The following AGTR1 variants were observed in gnomAD, a reference collection of about 807,000 sequenced individuals.
AGTR1 encodes angiotensin II receptor type 1, also known as type-1 angiotensin II receptor.
AGTR1 carries 16 observed loss-of-function variants against 19.4 expected under a neutral mutation model. The ratio of observed to expected loss-of-function variants is 0.82; its 90% CI spans 0.56 to 1.25. AGTR1 has a LOEUF of 1.25. Among genes scored for constraint, AGTR1 ranks in the 50% most tolerant of loss-of-function variants. The pLI is 0.00. For missense variants in AGTR1, 373 were observed against 431.9 expected (o/e 0.86, Z 1.21); for synonymous variants, 153 against 154.9 (o/e 0.99, Z 0.09).
intron 2 of AGTR1, among the ~76,000 whole-genome samples, chr3:148,713,599 T>C (rs950514753): frequency 6.6e-6 from 1 of 152,104 alleles, no homozygotes; most frequent in Non-Finnish European, 1.5e-5. Context: ...CAAATGTAAT[T>C]AGATTTGATC....
At chr3:148,711,557 GT>G (rs537463342) in intron 2 of AGTR1, among the ~76,000 whole-genome samples, 8 of 151,138 alleles carry the variant, frequency 5.3e-5, no homozygotes, top group African/African-American at 1.5e-4. Context: ...TTGTGCCTGA[GT>G]TTTTTTTTCA....
At chr3:148,709,851 A>G (rs922101564) in intron 2 of AGTR1, among the ~76,000 whole-genome samples, 2 of 152,194 alleles carry the variant, frequency 1.3e-5, no homozygotes, top group African/African-American at 4.8e-5. Context: ...TTATGCTGAA[A>G]TCTACTCATG....
intron 2 of AGTR1, among the ~76,000 whole-genome samples, chr3:148,737,901 C>T (rs1714658467): frequency 6.6e-6 from 1 of 152,050 alleles, no homozygotes; most frequent in South Asian, 2.1e-4. Context: ...CCTAGCTGTT[C>T]AAAGCTACCT....
intron 2 of AGTR1, among the ~76,000 whole-genome samples, chr3:148,738,058 C>A (rs192599219): frequency 1.3e-4 from 20 of 152,192 alleles, no homozygotes; most frequent in African/African-American, 4.8e-4. Context: ...ATTATGAATG[C>A]TAGTTATAGT....
intron 2 of AGTR1, among the ~76,000 whole-genome samples, chr3:148,709,440 C>T (rs1712859728): frequency 6.6e-6 from 1 of 151,924 alleles, no homozygotes; most frequent in Non-Finnish European, 1.5e-5. Context: ...GCAAAGCTTC[C>T]AAAATAACTA....
At chr3:148,699,864 G>C (rs1712220429) in intron 1 of AGTR1, among the ~76,000 whole-genome samples, 1 of 151,990 alleles carries the variant, frequency 6.6e-6, no homozygotes, top group African/African-American at 2.4e-5. Context: ...CTTGATTTCT[G>C]GTTCTGCTCT....
chr3:148,710,825 G>A (rs932811061), intron 2 of AGTR1, among the ~76,000 whole-genome samples: 3 of 152,018 alleles, frequency 2.0e-5, no homozygotes, highest in Non-Finnish European at 2.9e-5. Context: ...TCCTGCAGGC[G>A]GATCTCTCAT....
intron 2 of AGTR1, among the ~76,000 whole-genome samples, chr3:148,727,421 T>G (rs1714012808): frequency 6.6e-6 from 1 of 152,178 alleles, no homozygotes; most frequent in Non-Finnish European, 1.5e-5. Flanking sequence ...CCTGTCAGAT[T>G]CCCCGAAGTG....
At chr3:148,720,170 G>T (rs752994594) in intron 2 of AGTR1, among the ~76,000 whole-genome samples, 1 of 152,152 alleles carries the variant, frequency 6.6e-6, no homozygotes, top group East Asian at 1.9e-4. Flanking sequence ...CATATTGGGA[G>T]AGTGGGTGAA....
chr3:148,721,155 G>T (rs772453910), intron 2 of AGTR1, among the ~76,000 whole-genome samples: 1 of 152,140 alleles, frequency 6.6e-6, no homozygotes, highest in African/African-American at 2.4e-5. Context: ...TCCCTGTGTG[G>T]TCAAGAAAAA....
intron 1 of AGTR1, among the ~76,000 whole-genome samples, chr3:148,703,869 A>G (rs1712501027): frequency 6.6e-6 from 1 of 152,152 alleles, no homozygotes; most frequent in Non-Finnish European, 1.5e-5. Flanking sequence ...ATTTTGATCT[A>G]ATGTTTTCCT....
chr3:148,709,914 A>T (rs1712889514), intron 2 of AGTR1, among the ~76,000 whole-genome samples: 1 of 152,206 alleles, frequency 6.6e-6, no homozygotes, highest in Non-Finnish European at 1.5e-5. Context: ...AAAGAACCGT[A>T]TTCAATGGCT....
chr3:148,708,927 G>GATAA (rs1559923229), intron 2 of AGTR1, among the ~76,000 whole-genome samples: 1 of 152,162 alleles, frequency 6.6e-6, no homozygotes, highest in Non-Finnish European at 1.5e-5. Context: ...TGGGTGGGTA[G>GATAA]ATAAATATTA....
chr3:148,719,472 A>G (rs771507903), intron 2 of AGTR1, among the ~76,000 whole-genome samples: 8 of 152,184 alleles, frequency 5.3e-5, no homozygotes, highest in Non-Finnish European at 1.0e-4. Context: ...TCTGTATTAT[A>G]TGAAACATAT....
At chr3:148,725,758 C>T (rs930783259) in intron 2 of AGTR1, among the ~76,000 whole-genome samples, 4 of 152,210 alleles carry the variant, frequency 2.6e-5, no homozygotes, top group Non-Finnish European at 4.4e-5. Context: ...GCTGGGATTA[C>T]ATGCATGAGC....
At chr3:148,698,871 C>T (rs1281350576) in intron 1 of AGTR1, among the ~76,000 whole-genome samples, 1 of 152,178 alleles carries the variant, frequency 6.6e-6, no homozygotes. Flanking sequence ...CTGCCCGACA[C>T]CCAACTCCAT....
At chr3:148,733,208 C>G (rs992300531) in intron 2 of AGTR1, among the ~76,000 whole-genome samples, 1 of 152,162 alleles carries the variant, frequency 6.6e-6, no homozygotes, top group Non-Finnish European at 1.5e-5. Flanking sequence ...AAGAATATTT[C>G]TTCTGCAATC....
rs911154679 is a variant in AGTR1 at position 148,741,352 on chromosome 3, C to T, written c.317C>T (p.Ala106Val). Residue 106 changes from alanine to valine, a missense_variant, in exon 3 of 3, where the codon GCC becomes GTC. Physicochemically the swap from Ala to Val is moderately conservative, Grantham distance 64. Transcript: ENST00000349243. ...FGNYLCKIAS[A>V]SVSFNLYASV... ...AATTACCTATGTAAGATTGCTTCAG[C>T]CAGCGTCAGTTTCAACCTGTACGCT... 1.2e-6 allele frequency: 2 copies of T among 1,606,112 alleles called. No homozygotes were observed. Among genetic ancestry groups the T allele is most frequent in the African/African-American group, 2.7e-5 (2 of 74,922 alleles).
chr3:148,742,368 T>G lies in AGTR1; in HGVS notation c.*253T>G. On this transcript the variant is annotated 3_prime_UTR_variant, in exon 3 of 3. Transcript: ENST00000349243. ...TCGAAGAACAATGTCAGAAACTCGA[T>G]GAATGTGTTGATTTGAGAAATTTTA... 1 of 582,390 alleles carries G rather than the reference T, an allele frequency of 1.7e-6. No homozygotes were observed. Among genetic ancestry groups the G allele is most frequent in the South Asian group, 1.9e-5 (1 of 53,532 alleles). 36.1% of individuals were successfully genotyped at this position (582,390 alleles called of 1,614,324 possible).
Sources: allele counts gnomAD v4.1 joint callset (sites outside exome capture counted in the v4.1 genomes callset), GRCh38; gene constraint gnomAD v4.1.1; transcripts MANE v1.5; gene names NCBI Gene and HGNC (gene_info 2026-07-23, HGNC 2026-07-21).